Variants in TP53AIP1 observed in about 807,000 individuals in gnomAD.
TP53AIP1 encodes the protein tumor protein p53 regulated apoptosis inducing protein 1.
A neutral mutation model predicts 9.5 loss-of-function variants in TP53AIP1; 14 were observed. That is an observed-to-expected ratio of 1.47 (90% CI 0.97 to 2.30). TP53AIP1 has a LOEUF of 2.30. Ranked by LOEUF, TP53AIP1 falls within the 30% of genes most tolerant of loss-of-function variation. TP53AIP1 has a pLI of 0.00. For missense variants in TP53AIP1, 153 were observed against 146.7 expected, an observed-to-expected ratio of 1.04 and a Z score of -0.22; for synonymous variants, 73 against 61.2, an observed-to-expected ratio of 1.19 and a Z score of -0.90.
chr11:128,938,305 A>G (rs1190065502), intron 1 of TP53AIP1, among the ~76,000 whole-genome samples: 10 of 152,136 alleles, frequency 6.6e-5, no homozygotes, highest in Non-Finnish European at 1.5e-5. Context: ...TCTATCTCAG[A>G]GGCCCGGCCT....
chr11:128,938,622 A>G (rs1171808690), intron 1 of TP53AIP1, among the ~76,000 whole-genome samples: 1 of 152,136 alleles, frequency 6.6e-6, no homozygotes, highest in Non-Finnish European at 1.5e-5. Context: ...TTCTCTCGCA[A>G]GTCCCCGGTG....
Position 128,935,463 on chromosome 11 carries a change from A to G in TP53AIP1, c.*128T>C. Reference sequence around the variant, plus strand: ...AACTGGCCCAGTGGTCAAGGGGGGAAATGAGGTGGCCGCTAGTCAGCGCTG... The same window carrying G: ...AACTGGCCCAGTGGTCAAGGGGGGAGATGAGGTGGCCGCTAGTCAGCGCTG... On this transcript the variant is annotated 3_prime_UTR_variant, in exon 4 of 4. Transcript: ENST00000531399. 2 of 1,435,886 alleles carry G rather than the reference A, an allele frequency of 1.4e-6. No individual in the cohort carries two copies. Among genetic ancestry groups the G allele is most frequent in the South Asian group, 3.1e-5 (2 of 64,718 alleles). The allele number at this position is 1,435,886 out of a possible 1,614,324, so 88.9% of individuals were successfully genotyped here. A position where few individuals can be genotyped will look rare whatever the true frequency, so the allele number is the denominator to read the frequency against.
chr11:128,937,010 G>C lies in TP53AIP1; in HGVS notation c.142-361C>G, dbSNP rs1178841436. 9.4e-7 allele frequency: 1 copy of C among 1,068,384 alleles called. No individual in the cohort carries two copies. The highest frequency in any genetic ancestry group is 1.1e-6 in the Non-Finnish European group (1 of 882,678). 66.2% of individuals were successfully genotyped at this position (1,068,384 alleles called of 1,614,324 possible). A position where few individuals can be genotyped will look rare whatever the true frequency, so the allele number is the denominator to read the frequency against. On this transcript the variant is annotated intron_variant, in intron 2 of 3. Transcript: ENST00000531399. The surrounding 1 kb of genome is among the most constrained non-coding windows in gnomAD (Gnocchi z 4.8). ...TGCGTGTGAGCTTCTGGGGAGAGAA[G>C]TGTGGGCCTCCAGGGAGGTGTAGGC...
In TP53AIP1 at chr11:128,935,999, C is replaced by A. The variant is rs1944816519; in HGVS notation, c.254-287G>T. ...GGACATACTACGTACAGGTGCTGTT[C>A]TTAGCATTTCATATCTATCATTTTA... On this transcript the variant is annotated intron_variant, in intron 3 of 3. Coordinates refer to ENST00000531399, the MANE Select transcript of TP53AIP1 (RefSeq NM_022112.3). 3 of 909,450 alleles carry A rather than the reference C, an allele frequency of 3.3e-6. No homozygotes were observed. The East Asian group carries it at 1.9e-4, about 56-fold the overall frequency. The allele number at this position is 909,450 out of a possible 1,614,324, so 56.3% of individuals were successfully genotyped here.
intron 1 of TP53AIP1, among the ~76,000 whole-genome samples, chr11:128,940,035 G>T (rs1218549136): frequency 3.3e-5 from 5 of 152,114 alleles, no homozygotes; most frequent in Non-Finnish European, 7.4e-5. Context: ...GCCCCCCCTT[G>T]CTCCAGCTCT....
downstream of TP53AIP1, chr11:128,934,808 A>C: frequency 1.8e-6 from 1 of 560,490 alleles, no homozygotes. Context: ...CCCACAGGGA[A>C]GGGAGAAAAG....
chr11:128,937,177 C>A lies in TP53AIP1; in HGVS notation c.141+501G>T. On this transcript the variant is annotated intron_variant, in intron 2 of 3. Transcript: ENST00000531399. The surrounding 1 kb of genome is among the most constrained non-coding windows in gnomAD (Gnocchi z 4.8). ...GCCCACAAGCTTCCGAGTGCGTCAT[C>A]TTCATTATTGGCCACAGGAAACGAC... 1 of 1,132,456 alleles carries A rather than the reference C, an allele frequency of 8.8e-7. No homozygotes were observed. The highest frequency in any genetic ancestry group is 1.1e-6 in the Non-Finnish European group (1 of 922,742). The allele number at this position is 1,132,456 out of a possible 1,614,324, so 70.2% of individuals were successfully genotyped here. A position where few individuals can be genotyped will look rare whatever the true frequency, so the allele number is the denominator to read the frequency against.
At position 128,937,685 on chromosome 11, in the gene TP53AIP1, G is replaced by C; in HGVS notation, c.134C>G (p.Pro45Arg). The C allele has an allele frequency of 6.2e-7, 1 of 1,614,200 alleles. No individual in the cohort carries two copies. The highest frequency in any genetic ancestry group is 8.5e-7 in the Non-Finnish European group (1 of 1,180,040). ...PPNGRAQTHT[P>R]GWVSDPLVLG... Reference sequence around the variant, plus strand: ...TTCACTGCAGGGACTTACCCAGCCAGGTGTGTGTGTCTGAGCCCTGCCATT... The same window carrying C: ...TTCACTGCAGGGACTTACCCAGCCACGTGTGTGTGTCTGAGCCCTGCCATT... Residue 45 changes from proline (P) to arginine (R), a missense_variant, in exon 2 of 4, where the codon CCT becomes CGT. Coordinates refer to ENST00000531399, the MANE Select transcript of TP53AIP1 (RefSeq NM_022112.3). The surrounding 1 kb of genome is among the most constrained non-coding windows in gnomAD (Gnocchi z 4.8).
rs79950276 is a variant in TP53AIP1 at position 128,937,367 on chromosome 11, T to A, written c.141+311A>T. 41 of 1,424,002 alleles carry A rather than the reference T, an allele frequency of 2.9e-5. No individual in the cohort carries two copies. In the East Asian group the frequency reaches 9.1e-4, roughly 32 times the overall value. 88.2% of individuals were successfully genotyped at this position (1,424,002 alleles called of 1,614,324 possible). A position where few individuals can be genotyped will look rare whatever the true frequency, so the allele number is the denominator to read the frequency against. On this transcript the variant is annotated intron_variant, in intron 2 of 3. Coordinates refer to ENST00000531399, the MANE Select transcript of TP53AIP1 (RefSeq NM_022112.3). This position sits in a 1 kb window ranked among gnomAD's most constrained non-coding sequence, Gnocchi z 4.8. Reference sequence around the variant, plus strand: ...CTCCATTTAGCTCTCACTTTCTGGATGCAGCCAGGCACCACCTTCCTTCCA... The same window carrying A: ...CTCCATTTAGCTCTCACTTTCTGGAAGCAGCCAGGCACCACCTTCCTTCCA...
rs532919657 is a variant in TP53AIP1 at position 128,937,097 on chromosome 11, C to A, written c.142-448G>T. ...GCCTGTGTCTGCTTCCGGAGCCATG[C>A]GCTGCCTGTGCTGGGATGAATGCAT... On this transcript the variant is annotated intron_variant, in intron 2 of 3. Coordinates refer to ENST00000531399, the MANE Select transcript of TP53AIP1 (RefSeq NM_022112.3). The surrounding 1 kb of genome is among the most constrained non-coding windows in gnomAD (Gnocchi z 4.8). 1.7e-4 allele frequency: 175 copies of A among 1,047,352 alleles called. 1 individual carries two copies. In the African/African-American group the frequency reaches 2.5e-3, roughly 15 times the overall value. The allele number at this position is 1,047,352 out of a possible 1,614,324, so 64.9% of individuals were successfully genotyped here.
In TP53AIP1 at chr11:128,935,406, G is replaced by A; in HGVS notation, c.*185C>T. 7.0e-7 allele frequency: 1 copy of A among 1,419,404 alleles called. No homozygotes were observed. Among genetic ancestry groups the A allele is most frequent in the Middle Eastern group, 2.6e-4 (1 of 3,846 alleles). 87.9% of individuals were successfully genotyped at this position (1,419,404 alleles called of 1,614,324 possible). ...CTTTTATTTCAGATTTGGGGATACA[G>A]AAGGATGCAAAATGAGGCAACCTAG... On this transcript the variant is annotated 3_prime_UTR_variant, in exon 4 of 4. Coordinates refer to ENST00000531399, the MANE Select transcript of TP53AIP1 (RefSeq NM_022112.3).
chr11:128,935,814 A>T, intron 3 of TP53AIP1, 102 bp from the exon 4 acceptor site: 1 of 1,374,198 alleles, frequency 7.3e-7, no homozygotes, highest in Non-Finnish European at 9.4e-7. Context: ...AACAATAATG[A>T]ATTTCAGTGA....
At chr11:128,940,218 A>G (rs1435750945) in intron 1 of TP53AIP1, among the ~76,000 whole-genome samples, 4 of 152,192 alleles carry the variant, frequency 2.6e-5, no homozygotes, top group Non-Finnish European at 5.9e-5. Flanking sequence ...TGTTTGAGAC[A>G]ATGAGCTGGC....
At chr11:128,936,337 TTTTAA>T (rs1826197687) in intron 3 of TP53AIP1, 196 bp downstream of exon 3, 24 of 1,377,548 alleles carry the variant, frequency 1.7e-5, no homozygotes, top group Middle Eastern at 2.5e-4. Context: ...TTACCTTTTA[TTTTAA>T]TTTGAGAAAT....
Position 128,935,643 on chromosome 11 carries a change from G to C in TP53AIP1, c.323C>G (p.Ser108Ter). ...ATVLRDRPLG[S>*]AFELSYDQKK... ...CTGATCATAGCTGAGCTCAAATGCT[G>C]ACCCCAGTGGCCTGTCTCTAAGCAC... Residue 108 changes from serine to a stop codon, truncating the protein, a stop_gained, in exon 4 of 4, where the codon TCA becomes TGA. Coordinates refer to ENST00000531399, the MANE Select transcript of TP53AIP1 (RefSeq NM_022112.3). LOFTEE classifies it high-confidence loss of function. 1 of 1,587,248 alleles carries C rather than the reference G, an allele frequency of 6.3e-7. No homozygotes were observed. Among genetic ancestry groups the C allele is most frequent in the Non-Finnish European group, 8.5e-7 (1 of 1,174,456 alleles).
downstream of TP53AIP1, chr11:128,935,234 G>A: frequency 7.2e-7 from 1 of 1,382,362 alleles, no homozygotes; most frequent in African/African-American, 1.4e-5. Flanking sequence ...AGTGCATACT[G>A]GGAGTGCCCT....
In TP53AIP1 at chr11:128,937,605, C is replaced by T. The variant is rs1944853895; in HGVS notation, c.141+73G>A. 1 of 1,614,124 alleles carries T rather than the reference C, an allele frequency of 6.2e-7. No individual in the cohort carries two copies. The highest frequency in any genetic ancestry group is 2.2e-5 in the East Asian group (1 of 44,886). On this transcript the variant is annotated intron_variant, in intron 2 of 3. Transcript: ENST00000531399. The surrounding 1 kb of genome is among the most constrained non-coding windows in gnomAD (Gnocchi z 4.8). ...GTCTGAAAACTTGGGATGTCGGCAC[C>T]ACGGTGAGAGCAGAGTCTGCCCGGG... is the stretch of plus-strand genomic sequence containing the variant.
rs377260556 is a variant in TP53AIP1, at chr11:128,936,530, T to C, written c.253+8A>G. 157 of 1,555,678 alleles carry C rather than the reference T, an allele frequency of 1.0e-4. No homozygotes were observed. Among genetic ancestry groups the C allele is most frequent in the Non-Finnish European group, 1.3e-4 (148 of 1,158,680 alleles). ...CACCCATGAATTCACTAAGTAATTA[T>C]CACACACCTGTCAGGATCCAGACAG... On this transcript the variant is annotated splice_region_variant and intron_variant, in intron 3 of 3. Transcript: ENST00000531399.
Position 128,935,518 on chromosome 11 carries a change from G to GTTT in TP53AIP1, c.*70_*72dup. 1.3e-6 allele frequency: 2 copies of GTTT among 1,507,896 alleles called. No individual in the cohort carries two copies. The highest frequency in any genetic ancestry group is 2.3e-4 in the Middle Eastern group (1 of 4,288). The allele number at this position is 1,507,896 out of a possible 1,614,324, so 93.4% of individuals were successfully genotyped here. A position where few individuals can be genotyped will look rare whatever the true frequency, so the allele number is the denominator to read the frequency against. On this transcript the variant is annotated 3_prime_UTR_variant, in exon 4 of 4. Coordinates refer to ENST00000531399, the MANE Select transcript of TP53AIP1 (RefSeq NM_022112.3). ...CATTTCTCGACGGTGCTTTCTGTTT[G>GTTT]TTTGTTTGTTTTTGTTTTGAGATGG...
Sources: allele counts gnomAD v4.1 joint callset (sites outside exome capture counted in the v4.1 genomes callset), GRCh38; gene constraint gnomAD v4.1.1; non-coding constraint Gnocchi (gnomAD v3.1); transcripts MANE v1.5; gene names NCBI Gene and HGNC (gene_info 2026-07-23, HGNC 2026-07-21).